Variants in CPLX2 observed in about 807,000 individuals in gnomAD.
CPLX2 encodes complexin 2, also known as complexin-2.
Under a neutral mutation model 16.3 loss-of-function variants are expected in CPLX2, and 5 were observed. The ratio of observed to expected loss-of-function variants is 0.31; its 90% CI spans 0.16 to 0.64. The LOEUF (loss-of-function observed/expected upper bound fraction) is 0.64, where lower values mean the gene tolerates loss of function less well. Among genes scored for constraint, CPLX2 ranks in the 30% least tolerant of loss-of-function variants. The pLI is 0.79. For synonymous variants in CPLX2, 89 were observed against 73.2 expected (o/e 1.22, Z -1.10); for missense variants, 144 against 181.4 (o/e 0.79, Z 1.18).
chr5:175,813,636 G>C (rs1178146080), intron 2 of CPLX2, among the ~76,000 whole-genome samples: 1 of 152,268 alleles, frequency 6.6e-6, no homozygotes, highest in African/African-American at 2.4e-5. Context: ...CAGGGAGCTG[G>C]CCACAGGCAC....
At chr5:175,817,613 C>T (rs1758432528) in intron 2 of CPLX2, among the ~76,000 whole-genome samples, 1 of 152,164 alleles carries the variant, frequency 6.6e-6, no homozygotes, top group Non-Finnish European at 1.5e-5. Context: ...TTTAATTACT[C>T]CCACGATGTT....
intron 2 of CPLX2, among the ~76,000 whole-genome samples, chr5:175,821,515 C>A (rs1027121187): frequency 4.7e-4 from 72 of 152,242 alleles, no homozygotes; most frequent in African/African-American, 1.6e-3. Context: ...TCAAGTGATT[C>A]TCCCGCCTTA....
chr5:175,813,896 G>A (rs1758358108), intron 2 of CPLX2, among the ~76,000 whole-genome samples: 1 of 152,164 alleles, frequency 6.6e-6, no homozygotes, highest in African/African-American at 2.4e-5. Context: ...AGCTGGAAGT[G>A]GATAAACGAT....
Position 175,880,096 on chromosome 5 carries a change from C to A in CPLX2, c.*51C>A, listed in dbSNP as rs764228283. On this transcript the variant is annotated 3_prime_UTR_variant, in exon 4 of 4. Coordinates refer to ENST00000393745, the MANE Select transcript of CPLX2 (RefSeq NM_001008220.2). ...CACCTGTTACTACTTCTTTTTGGTT[C>A]TTTCTTTTCTTTTTATTAGGTTAAG... The A allele has an allele frequency of 1.3e-6, 2 of 1,548,584 alleles. No individual in the cohort carries two copies. Among genetic ancestry groups the A allele is most frequent in the East Asian group, 4.8e-5 (2 of 41,918 alleles).
chr5:175,861,708 G>C (rs1759375847), intron 2 of CPLX2: 1 of 152,324 alleles, frequency 6.6e-6, no homozygotes, highest in Non-Finnish European at 1.5e-5. Flanking sequence ...GGTGGGGACA[G>C]AGCGGCCCTG....
chr5:175,879,283 C>A (rs1303460763), intron 3 of CPLX2, among the ~76,000 whole-genome samples, 200 bp downstream of exon 3: 1 of 152,162 alleles, frequency 6.6e-6, no homozygotes, highest in East Asian at 1.9e-4. Context: ...TAAGAGAATG[C>A]GCGTAGTAGG....
At chr5:175,847,140 C>T (rs1185996794) in intron 2 of CPLX2, among the ~76,000 whole-genome samples, 2 of 152,174 alleles carry the variant, frequency 1.3e-5, no homozygotes, top group Admixed American at 6.5e-5. Flanking sequence ...GGGGCCTCGT[C>T]CCAGGCGACG....
intron 2 of CPLX2, among the ~76,000 whole-genome samples, chr5:175,838,266 CTT>C (rs1156770920): frequency 1.0e-4 from 12 of 116,758 alleles, no homozygotes; most frequent in East Asian, 5.2e-4. Flanking sequence ...CCCCTCCTGT[CTT>C]TTTTTTTTTT....
At chr5:175,863,000 T>G (rs1463448374) in intron 2 of CPLX2, among the ~76,000 whole-genome samples, 1 of 152,176 alleles carries the variant, frequency 6.6e-6, no homozygotes, top group Admixed American at 6.5e-5. Flanking sequence ...GCTCTGATTC[T>G]CCTACAGGTC....
upstream of CPLX2, among the ~76,000 whole-genome samples, chr5:175,866,838 G>A (rs768072378): frequency 2.3e-4 from 35 of 152,282 alleles, no homozygotes; most frequent in Middle Eastern, 3.4e-3. Flanking sequence ...AGCTTTGGGA[G>A]GCTAAGACAG....
Position 175,879,961 on chromosome 5 carries a change from C to CGAG in CPLX2, c.333_335dup (p.Glu114dup), listed in dbSNP as rs745994665. On this transcript the variant is annotated inframe_insertion, in exon 4 of 4. Transcript: ENST00000393745. ...AGGCCATCCCTGCGGGCTGCGGGGA[C>CGAG]GAGGAGGAGGAGGAAGAGGAGAGCA... 24 of 1,613,418 alleles carry CGAG rather than the reference C, an allele frequency of 1.5e-5. No individual in the cohort carries two copies. The highest frequency in any genetic ancestry group is 1.9e-5 in the Non-Finnish European group (23 of 1,179,686).
chr5:175,807,632 T>C (rs1413123471), intron 1 of CPLX2, among the ~76,000 whole-genome samples: 1 of 152,232 alleles, frequency 6.6e-6, no homozygotes, highest in Non-Finnish European at 1.5e-5. Flanking sequence ...GCCTGCCCTT[T>C]TCACTGCAGT....
At chr5:175,858,998 G>A (rs567983883) in intron 2 of CPLX2, among the ~76,000 whole-genome samples, 4 of 152,336 alleles carry the variant, frequency 2.6e-5, no homozygotes, top group East Asian at 3.9e-4. Context: ...GAGAAGCCAC[G>A]TGATCTGATG....
chr5:175,878,264 A>C (rs1471955972), intron 1 of CPLX2: 1 of 155,742 alleles, frequency 6.4e-6, no homozygotes, highest in Admixed American at 6.4e-5. Context: ...AGAGGAGGAA[A>C]CTGGGGACTC....
chr5:175,798,504 G>T (rs1310469189), intron 1 of CPLX2, among the ~76,000 whole-genome samples: 1 of 152,098 alleles, frequency 6.6e-6, no homozygotes, highest in Admixed American at 6.5e-5. Context: ...CAGGAGTCAC[G>T]AACTGTAAGG....
chr5:175,838,938 T>A (rs1758893740), intron 2 of CPLX2, among the ~76,000 whole-genome samples: 1 of 152,232 alleles, frequency 6.6e-6, no homozygotes, highest in Non-Finnish European at 1.5e-5. Flanking sequence ...TGGCTCTGTC[T>A]CCTAAGAGCA....
chr5:175,852,533 G>A (rs1056438581), intron 2 of CPLX2, among the ~76,000 whole-genome samples: 5 of 152,334 alleles, frequency 3.3e-5, no homozygotes, highest in African/African-American at 7.2e-5. Context: ...GCAAAGGCAC[G>A]TACATTCACA....
chr5:175,869,192 T>A (rs895631030), upstream of CPLX2, among the ~76,000 whole-genome samples: 1 of 152,222 alleles, frequency 6.6e-6, no homozygotes, highest in Non-Finnish European at 1.5e-5. Context: ...GATTTACCCC[T>A]TATTGTGCAA....
intron 2 of CPLX2, among the ~76,000 whole-genome samples, chr5:175,840,828 G>A (rs1041361567): frequency 6.6e-6 from 1 of 152,216 alleles, no homozygotes; most frequent in Non-Finnish European, 1.5e-5. Context: ...GTGGGAAAGC[G>A]AGTGGGCCAG....
Sources: allele counts gnomAD v4.1 joint callset (sites outside exome capture counted in the v4.1 genomes callset), GRCh38; gene constraint gnomAD v4.1.1; transcripts MANE v1.5; gene names NCBI Gene and HGNC (gene_info 2026-07-23, HGNC 2026-07-21).